ZFHX3: variants seen among roughly 807,000 people sequenced by gnomAD.
ZFHX3 encodes zinc finger homeobox 3, also known as zinc finger homeobox protein 3.
A neutral mutation model predicts 279.1 loss-of-function variants in ZFHX3; 42 were observed. The observed-to-expected ratio is 0.15, with a 90% confidence interval of 0.12 to 0.19. The LOEUF is 0.19. ZFHX3 is among the 10% of genes least tolerant of loss of function. The pLI, the probability that ZFHX3 is intolerant of heterozygous loss-of-function variation, is 1.00. For missense variants in ZFHX3, 4,981 were observed against 4,754.0 expected, an observed-to-expected ratio of 1.05 and a Z score of -1.40; for synonymous variants, 2,293 against 1,957.8, an observed-to-expected ratio of 1.17 and a Z score of -4.52.
chr16:73,165,569 G>A (rs964150450), intron 5 of ZFHX3, among the ~76,000 whole-genome samples: 1 of 152,244 alleles, frequency 6.6e-6, no homozygotes, highest in Non-Finnish European at 1.5e-5. Flanking sequence ...AAAGTGGACC[G>A]AGCCCACCTT....
chr16:73,121,577 C>A (rs897888087), intron 7 of ZFHX3, among the ~76,000 whole-genome samples: 1 of 151,802 alleles, frequency 6.6e-6, no homozygotes, highest in Non-Finnish European at 1.5e-5. Context: ...TATGTTCTTA[C>A]ATAGGACTTA....
intron 1 of ZFHX3, among the ~76,000 whole-genome samples, chr16:73,700,113 C>T (rs181814630): frequency 2.5e-3 from 387 of 152,090 alleles, no homozygotes; most frequent in Non-Finnish European, 4.2e-3. Context: ...GTCTCAGCTA[C>T]GTGAAAGGCC....
chr16:73,687,692 A>G (rs954618010), intron 1 of ZFHX3, among the ~76,000 whole-genome samples: 9 of 151,774 alleles, frequency 5.9e-5, no homozygotes, highest in Admixed American at 3.3e-4. Flanking sequence ...AAATACAAAA[A>G]TTAGCCAGGC....
chr16:73,141,474 T>C (rs1186832559), intron 6 of ZFHX3, among the ~76,000 whole-genome samples: 1 of 151,998 alleles, frequency 6.6e-6, no homozygotes, highest in Non-Finnish European at 1.5e-5. Flanking sequence ...CATAGTTTAT[T>C]ATAGCCTCGA....
intron 2 of ZFHX3, among the ~76,000 whole-genome samples, chr16:73,535,350 A>G (rs1257783042): frequency 6.6e-6 from 1 of 152,186 alleles, no homozygotes; most frequent in African/African-American, 2.4e-5. Flanking sequence ...TTCTCATCAA[A>G]ATTCTTAGGA....
At chr16:73,091,857 G>T (rs960160749) in intron 8 of ZFHX3, among the ~76,000 whole-genome samples, 2 of 152,168 alleles carry the variant, frequency 1.3e-5, no homozygotes, top group African/African-American at 4.8e-5. Flanking sequence ...GATGACATAG[G>T]TCTCTTCTAC....
intron 7 of ZFHX3, among the ~76,000 whole-genome samples, chr16:72,804,807 G>A (rs1263280142): frequency 6.6e-6 from 1 of 152,044 alleles, no homozygotes; most frequent in Non-Finnish European, 1.5e-5. Flanking sequence ...TCACAGATGT[G>A]GAAGGGCCAA....
At chr16:73,622,236 C>A (rs2052369980) in intron 2 of ZFHX3, among the ~76,000 whole-genome samples, 1 of 152,142 alleles carries the variant, frequency 6.6e-6, no homozygotes, top group African/African-American at 2.4e-5. Context: ...AGGCCTGAAG[C>A]TTACAGAATT....
chr16:72,840,744 G>T (rs749008079), intron 4 of ZFHX3, among the ~76,000 whole-genome samples: 4 of 152,218 alleles, frequency 2.6e-5, no homozygotes, highest in Non-Finnish European at 5.9e-5. Context: ...GCAGAAATAT[G>T]AGTTTACTCC....
rs576165776 is a variant in ZFHX3 at position 72,909,890 on chromosome 16, A to T, written c.3217-19928T>A. Among the ~76,000 whole-genome samples, 1,374 of 151,814 alleles carry T rather than the reference A, an allele frequency of 9.1e-3. 21 individuals carry two copies. The highest frequency in any genetic ancestry group is 0.032 in the African/African-American group (1,310 of 41,318). ...GACACCGTGTCTCAAAAAAAAAAAA[A>T]AAAAAAAAAATTAAAAAGCCAGGCT... On this transcript the variant is annotated intron_variant, in intron 3 of 9. Coordinates refer to ENST00000268489, the MANE Select transcript of ZFHX3 (RefSeq NM_006885.4).
intron 2 of ZFHX3, among the ~76,000 whole-genome samples, chr16:73,579,282 G>A (rs1434097061): frequency 6.6e-6 from 1 of 151,988 alleles, no homozygotes; most frequent in African/African-American, 2.4e-5. Flanking sequence ...ACTGATTGAT[G>A]CCTATGTCTC....
Position 73,716,655 on chromosome 16 carries a change from G to GCACACACA in ZFHX3, c.-1607-36416_-1607-36415insTGTGTGTG, listed in dbSNP as rs1567560122. On this transcript the variant is annotated intron_variant, in intron 1 of 17. Coordinates refer to the ZFHX3 transcript ENST00000641206. Reference sequence around the variant, plus strand: ...CACACACACACACACACACACGCATGCACGCACGCACAGACCTAACCGCCC... The same window carrying GCACACACA: ...CACACACACACACACACACACGCATGCACACACACACGCACGCACAGACCTAACCGCCC... 1.0e-3 allele frequency among the ~76,000 whole-genome samples: 102 copies of GCACACACA among 100,620 alleles called. 1 individual carries two copies. The highest frequency in any genetic ancestry group is 3.3e-3 in the African/African-American group (93 of 28,198). 66.0% of individuals were successfully genotyped at this position (100,620 alleles called of 152,430 possible). A position where few individuals can be genotyped will look rare whatever the true frequency, so the allele number is the denominator to read the frequency against.
At chr16:73,196,606 G>A (rs568876149) in intron 5 of ZFHX3, among the ~76,000 whole-genome samples, 7 of 152,186 alleles carry the variant, frequency 4.6e-5, no homozygotes, top group Admixed American at 1.3e-4. Context: ...TGTTCTCCTG[G>A]TTTGAGAGAA....
intron 5 of ZFHX3, among the ~76,000 whole-genome samples, chr16:73,198,143 T>C (rs1968194523): frequency 6.6e-6 from 1 of 151,816 alleles, no homozygotes; most frequent in East Asian, 1.9e-4. Flanking sequence ...TTCACTGTGT[T>C]AGCCAGGATG....
intron 2 of ZFHX3, among the ~76,000 whole-genome samples, chr16:73,557,974 A>T (rs1477988858): frequency 6.6e-6 from 1 of 152,200 alleles, no homozygotes; most frequent in Non-Finnish European, 1.5e-5. Context: ...CTCAGTCTGC[A>T]TCAAAGCAAT....
intron 3 of ZFHX3, among the ~76,000 whole-genome samples, chr16:73,349,013 TC>T (rs1567457251): frequency 1.3e-5 from 2 of 152,202 alleles, no homozygotes; most frequent in East Asian, 1.9e-4. Flanking sequence ...ATCCTGGGGG[TC>T]CACAGGAACT....
chr16:73,199,042 ACTATTAGG>A (rs1362714794), intron 5 of ZFHX3, among the ~76,000 whole-genome samples: 4 of 152,356 alleles, frequency 2.6e-5, no homozygotes, highest in Non-Finnish European at 4.4e-5. Context: ...AAGCTCTTTG[ACTATTAGG>A]CTGAGACCAG....
At chr16:73,576,760 G>A (rs933206934) in intron 2 of ZFHX3, among the ~76,000 whole-genome samples, 1 of 151,970 alleles carries the variant, frequency 6.6e-6, no homozygotes, top group African/African-American at 2.4e-5. Context: ...TACATGTGCA[G>A]GTTTGTTATA....
chr16:73,783,052 C>T (rs1959526233), intron 1 of ZFHX3, among the ~76,000 whole-genome samples: 1 of 152,054 alleles, frequency 6.6e-6, no homozygotes, highest in African/African-American at 2.4e-5. Context: ...GAGAGGGGGG[C>T]ACTGAAATGG....
Sources: allele counts gnomAD v4.1 joint callset (sites outside exome capture counted in the v4.1 genomes callset), GRCh38; gene constraint gnomAD v4.1.1; transcripts MANE v1.5; gene names NCBI Gene and HGNC (gene_info 2026-07-23, HGNC 2026-07-21).